CDH23: variants seen among roughly 807,000 people sequenced by gnomAD.
CDH23 encodes the protein cadherin related 23.
CDH23 carries 189 observed loss-of-function variants against 317.1 expected under a neutral mutation model. The observed-to-expected ratio is 0.60, with a 90% CI of 0.53 to 0.67. The LOEUF (loss-of-function observed/expected upper bound fraction) is 0.67. Ranked by LOEUF, CDH23 falls within the 30% of genes least tolerant of loss-of-function variation. The pLI is 0.00. For synonymous variants in CDH23, 1,839 were observed against 1,876.8 expected, an observed-to-expected ratio of 0.98 and a Z score of 0.52; for missense variants, 4,401 against 4,592.4, an observed-to-expected ratio of 0.96 and a Z score of 1.20.
intron 11 of CDH23, among the ~76,000 whole-genome samples, chr10:71,629,514 G>A (rs554436873): frequency 9.2e-5 from 14 of 152,330 alleles, no homozygotes; most frequent in African/African-American, 3.4e-4. Flanking sequence ...GAATGAGATG[G>A]CAAGCCGCCT....
chr10:71,427,241 G>GAAAGAAAGAAAGAAAGA (rs1849139722), intron 1 of CDH23, among the ~76,000 whole-genome samples: 1 of 82,060 alleles, frequency 1.2e-5, no homozygotes, highest in Non-Finnish European at 2.6e-5. Flanking sequence ...AAGAAAGAAA[G>GAAAGAAAGAAAGAAAGA]AAAGGGAAAG....
At chr10:71,738,470 G>A (rs2132841151) in intron 34 of CDH23, 28 bp from the exon 35 acceptor site, 2 of 1,613,870 alleles carry the variant, frequency 1.2e-6, no homozygotes, top group South Asian at 1.1e-5. Flanking sequence ...GAAGGAGGCT[G>A]TAGGTCTCTG....
intron 61 of CDH23, 30 bp downstream of exon 61, chr10:71,810,106 C>G: frequency 6.2e-7 from 1 of 1,606,512 alleles, no homozygotes; most frequent in African/African-American, 1.3e-5. Flanking sequence ...GGGGCCGGGG[C>G]AGTGGAGGGA....
At chr10:71,726,681 T>C (rs1866825871) in intron 30 of CDH23, among the ~76,000 whole-genome samples, 1 of 152,234 alleles carries the variant, frequency 6.6e-6, no homozygotes, top group Admixed American at 6.5e-5. Flanking sequence ...GTGAATCTTA[T>C]TCGTGGGCTG....
In CDH23 at chr10:71,751,768, C is replaced by CACATAGGACAG; in HGVS notation, c.4845+9848_4845+9858dup. 1 of 1,603,876 alleles carries CACATAGGACAG rather than the reference C, an allele frequency of 6.2e-7. No homozygotes were observed. Among genetic ancestry groups the CACATAGGACAG allele is most frequent in the Non-Finnish European group, 8.5e-7 (1 of 1,174,826 alleles). On this transcript the variant is annotated intron_variant, in intron 38 of 69. Transcript: ENST00000224721. This position sits in a 1 kb window ranked among gnomAD's most constrained non-coding sequence, Gnocchi z 4.9. ...CAGACTCAGAAGGCTGCCGCTGGGC[C>CACATAGGACAG]ACATAGGACAGGGGGTGCCTGACTT...
intron 26 of CDH23, among the ~76,000 whole-genome samples, chr10:71,708,025 C>T (rs922330645): frequency 2.6e-5 from 4 of 152,160 alleles, no homozygotes; most frequent in African/African-American, 9.7e-5. Context: ...GCCCTCAAGT[C>T]GGCCCTAGGG....
chr10:71,775,848 T>A (rs1840805362), intron 38 of CDH23, among the ~76,000 whole-genome samples: 1 of 152,188 alleles, frequency 6.6e-6, no homozygotes, highest in East Asian at 1.9e-4. Flanking sequence ...AGCCACCATG[T>A]CCATCTTGTG....
In CDH23 at chr10:71,511,127, C is replaced by T. The variant is rs762380863; in HGVS notation, c.344C>T (p.Thr115Ile). The T allele has an allele frequency of 3.7e-6, 6 of 1,613,522 alleles. No homozygotes were observed. Among genetic ancestry groups the T allele is most frequent in the South Asian group, 1.1e-5 (1 of 91,072 alleles). The change falls in exon 6 of 70, where the codon ACA becomes ATA. Residue 115 changes from threonine to isoleucine, a missense_variant. Thr to Ile is a moderately conservative substitution (Grantham distance 89). Around this residue, in one of 3 missense-constraint regions of CDH23, gnomAD observed 3,068 missense variants for 3,203.3 expected, o/e 0.96. Coordinates refer to ENST00000224721, the MANE Select transcript of CDH23 (RefSeq NM_022124.6). ...CCGCCTTTCTCTTGCCAGGTGATCACACGGAAGGTGAACATCCAGGTTGGG... is the reference window on the plus strand; with the variant it reads ...CCGCCTTTCTCTTGCCAGGTGATCATACGGAAGGTGAACATCCAGGTTGGG... Reference protein sequence around the residue: ...FSVSDHQGVITRKVNIQVGDV... With the variant: ...FSVSDHQGVIIRKVNIQVGDV...
intron 9 of CDH23, among the ~76,000 whole-genome samples, chr10:71,581,593 C>G (rs1283332536): frequency 6.6e-6 from 1 of 152,264 alleles, no homozygotes; most frequent in Admixed American, 6.5e-5. Flanking sequence ...AACAAAGAGG[C>G]CTTCAGCACT....
chr10:71,581,001 A>G (rs1858590913), intron 9 of CDH23, among the ~76,000 whole-genome samples: 1 of 152,076 alleles, frequency 6.6e-6, no homozygotes, highest in African/African-American at 2.4e-5. Context: ...CCTCATCTCT[A>G]CTTCCTTCCA....
At chr10:71,806,519 T>C (rs1841729862) in intron 57 of CDH23, among the ~76,000 whole-genome samples, 1 of 149,234 alleles carries the variant, frequency 6.7e-6, no homozygotes, top group Non-Finnish European at 1.5e-5. Context: ...ATGGAGCTGA[T>C]AGCCCTGTCT....
At chr10:71,731,858 G>T in intron 31 of CDH23, 129 bp from the exon 32 acceptor site, 1 of 884,510 alleles carries the variant, frequency 1.1e-6, no homozygotes. Context: ...GGATGATCCT[G>T]CCGGCAGAGG....
chr10:71,792,051 C>T (rs768456558), intron 47 of CDH23, among the ~76,000 whole-genome samples: 6 of 152,118 alleles, frequency 3.9e-5, no homozygotes, highest in Admixed American at 6.5e-5. Context: ...GATTTTATAA[C>T]ATATTATAAA....
intron 6 of CDH23, among the ~76,000 whole-genome samples, chr10:71,525,004 T>G (rs986529013): frequency 2.6e-5 from 4 of 152,220 alleles, no homozygotes; most frequent in African/African-American, 9.6e-5. Context: ...GCCTCTTGGG[T>G]TCAAGTGATT....
At chr10:71,699,106 C>G (rs913321309) in intron 22 of CDH23, among the ~76,000 whole-genome samples, 2 of 152,262 alleles carry the variant, frequency 1.3e-5, no homozygotes, top group Non-Finnish European at 2.9e-5. Context: ...CATCTGCTTC[C>G]TTTGCTGGAA....
intron 6 of CDH23, among the ~76,000 whole-genome samples, chr10:71,562,035 G>A (rs1857158303): frequency 6.6e-6 from 1 of 152,122 alleles, no homozygotes; most frequent in South Asian, 2.1e-4. Context: ...AAGCTACCCT[G>A]GAAAGGAGGA....
At chr10:71,452,338 A>T (rs565460467) in intron 3 of CDH23, among the ~76,000 whole-genome samples, 46 of 152,242 alleles carry the variant, frequency 3.0e-4, no homozygotes, top group African/African-American at 1.1e-3. Context: ...CCACAGTGGT[A>T]ACCGCCCGCA....
intron 38 of CDH23, among the ~76,000 whole-genome samples, chr10:71,775,886 A>G (rs2132922479): frequency 6.6e-6 from 1 of 152,276 alleles, no homozygotes; most frequent in Admixed American, 6.5e-5. Flanking sequence ...GGCAGCTGTG[A>G]GTACTCTCTA....
chr10:71,585,044 G>C (rs991837635), intron 9 of CDH23, among the ~76,000 whole-genome samples: 1 of 152,176 alleles, frequency 6.6e-6, no homozygotes, highest in African/African-American at 2.4e-5. Context: ...ATCAGTTCTG[G>C]GTGGATTGGA....
Sources: gnomAD v4.1 joint callset for allele counts (sites outside exome capture counted in the v4.1 genomes callset) on GRCh38, gnomAD v4.1.1 for gene constraint, gnomAD v4.1.1 regional missense constraint, Gnocchi (gnomAD v3.1) non-coding constraint, MANE v1.5 for transcripts, NCBI Gene and HGNC (gene_info 2026-07-23, HGNC 2026-07-21) for gene names.